COG3: variants seen among roughly 807,000 people sequenced by gnomAD.
COG3 encodes conserved oligomeric Golgi complex subunit 3.
A neutral mutation model predicts 114.1 loss-of-function variants in COG3; 32 were observed. That is an observed-to-expected ratio of 0.28 (90% CI 0.21 to 0.38). The LOEUF (loss-of-function observed/expected upper bound fraction) is 0.38. COG3 is among the 10% of genes least tolerant of loss of function. The pLI, the probability that COG3 is intolerant of heterozygous loss-of-function variation, is 1.00. For synonymous variants in COG3, 352 were observed against 365.7 expected (o/e 0.96, Z 0.43); for missense variants, 813 against 973.2 (o/e 0.84, Z 2.19).
chr13:45,499,910 C>T (rs1340786753), intron 13 of COG3, among the ~76,000 whole-genome samples: 9 of 151,632 alleles, frequency 5.9e-5, no homozygotes, highest in East Asian at 3.9e-4. Flanking sequence ...CCTAGCTACT[C>T]GGGAGGCAGA....
In COG3 at chr13:45,493,452, A is replaced by G. The variant is rs774821679; in HGVS notation, c.1293A>G (p.Lys431=). The change falls in exon 12 of 23, where the codon AAA becomes AAG. Residue 431 remains lysine, a synonymous_variant. Coordinates refer to ENST00000349995, the MANE Select transcript of COG3 (RefSeq NM_031431.4). ...ETLSELCGIL[K]NEVLEDHVQN... is the part of the protein sequence containing the mutation. Reference sequence around the variant, plus strand: ...TGTCGGAACTTTGTGGGATTCTTAAAAATGAGGTGCTTGAAGATCATGTGC... The same window carrying G: ...TGTCGGAACTTTGTGGGATTCTTAAGAATGAGGTGCTTGAAGATCATGTGC... 6.2e-7 allele frequency: 1 copy of G among 1,613,648 alleles called. No individual in the cohort carries two copies. The highest frequency in any genetic ancestry group is 1.3e-5 in the African/African-American group (1 of 75,034).
rs560165700 is a variant in COG3, at chr13:45,486,620, A to G, written c.924+45A>G. 10 of 1,163,804 alleles carry G rather than the reference A, an allele frequency of 8.6e-6. No homozygotes were observed. In the East Asian group the frequency reaches 2.3e-4, roughly 27 times the overall value. 72.1% of individuals were successfully genotyped at this position (1,163,804 alleles called of 1,614,324 possible). On this transcript the variant is annotated intron_variant, in intron 8 of 22. Transcript: ENST00000349995. ...TAGGACATTGCTATGAAATTTGTTCATCTGCCCTTTTGAAGTACTGTTGTA... is the reference window on the plus strand; with the variant it reads ...TAGGACATTGCTATGAAATTTGTTCGTCTGCCCTTTTGAAGTACTGTTGTA...
In COG3 at chr13:45,516,236, A is replaced by G; in HGVS notation, c.1903A>G (p.Ile635Val). The G allele has an allele frequency of 6.3e-7, 1 of 1,592,110 alleles. No individual in the cohort carries two copies. Among genetic ancestry groups the G allele is most frequent in the Non-Finnish European group, 8.6e-7 (1 of 1,166,052 alleles). Reference sequence around the variant, plus strand: ...TCACACTGAATTCACCATTAAGGAAATTTCCCTGGACCTCAAGAAAACTAG... The same window carrying G: ...TCACACTGAATTCACCATTAAGGAAGTTTCCCTGGACCTCAAGAAAACTAG... The part of the protein sequence containing the change: ...PFHTEFTIKE[I>V]SLDLKKTRDA... The change falls in exon 17 of 23, where the codon ATT (isoleucine) becomes GTT (valine). Residue 635 changes from isoleucine to valine, a missense_variant. Physicochemically the swap from Ile to Val is conservative, Grantham distance 29 (BLOSUM62 3). Coordinates refer to ENST00000349995, the MANE Select transcript of COG3 (RefSeq NM_031431.4).
intron 22 of COG3, among the ~76,000 whole-genome samples, chr13:45,531,832 G>A (rs1160421554): frequency 1.3e-5 from 2 of 152,102 alleles, no homozygotes; most frequent in Admixed American, 6.5e-5. Context: ...TTACTGTAGT[G>A]GAGAGGAGAA....
intron 1 of COG3, among the ~76,000 whole-genome samples, chr13:45,469,610 C>T (rs952545432): frequency 1.3e-5 from 2 of 152,100 alleles, no homozygotes; most frequent in African/African-American, 4.8e-5. Context: ...TATAGAGTTA[C>T]TAATTTCTTT....
chr13:45,525,035 G>C lies in COG3; in HGVS notation c.2214G>C (p.Gln738His). The change falls in exon 20 of 23, where the codon CAG (glutamine) becomes CAC (histidine). Residue 738 changes from glutamine to histidine, a missense_variant. Around this residue, in one of 2 missense-constraint regions of COG3, gnomAD observed 389 missense variants for 542.6 expected, o/e 0.72. Coordinates refer to ENST00000349995, the MANE Select transcript of COG3 (RefSeq NM_031431.4). ...GCCCCAAGTATACTCTCTCACAGCA[G>C]CCTTGGGCACAACCAGGTATTCTGA... is the stretch of plus-strand genomic sequence containing the variant. ...QGGPKYTLSQ[Q>H]PWAQPAKVND... is the part of the protein sequence containing the mutation. 1 of 1,613,644 alleles carries C rather than the reference G, an allele frequency of 6.2e-7. No homozygotes were observed. The highest frequency in any genetic ancestry group is 2.2e-5 in the East Asian group (1 of 44,862).
rs1478969806 is a variant in COG3, at chr13:45,465,183, G to A, written c.147G>A (p.Ala49=). The stretch of plus-strand genomic sequence containing the variant: ...ACTCGGTATTGGAGCTGAAGGCGGC[G>A]GCAGAGAACTTGCCGGTGCCAGCTG... The part of the protein sequence containing the change: ...QTDSVLELKA[A]AENLPVPAEL... The change falls in exon 1 of 23, where the codon GCG becomes GCA. Residue 49 remains alanine (A), a synonymous_variant. Transcript: ENST00000349995. 6.2e-7 allele frequency: 1 copy of A among 1,613,694 alleles called. No individual in the cohort carries two copies.
At chr13:45,509,293 A>G (rs1359708051) in intron 14 of COG3, among the ~76,000 whole-genome samples, 2 of 152,176 alleles carry the variant, frequency 1.3e-5, no homozygotes, top group East Asian at 3.8e-4. Context: ...CTGCCTCGGC[A>G]TCCCAAAGTG....
chr13:45,479,978 C>T (rs1363820805), intron 3 of COG3, 147 bp from the exon 4 acceptor site: 6 of 568,088 alleles, frequency 1.1e-5, no homozygotes, highest in Non-Finnish European at 1.9e-5. Flanking sequence ...ACTTTTGGTA[C>T]ATTTCTTAAC....
intron 16 of COG3, 163 bp downstream of exon 16, chr13:45,512,017 C>A (rs1479685162): frequency 2.3e-5 from 14 of 606,714 alleles, no homozygotes; most frequent in Admixed American, 5.4e-5. Context: ...CATTATAGTG[C>A]TAAATAAAGA....
Position 45,518,512 on chromosome 13 carries a change from C to G in COG3, c.1931-250C>G, listed in dbSNP as rs529764312. 4.4e-4 allele frequency among the ~76,000 whole-genome samples: 67 copies of G among 152,302 alleles called. 1 individual carries two copies. The highest frequency in any genetic ancestry group is 1.6e-3 in the African/African-American group (66 of 41,572). On this transcript the variant is annotated intron_variant, in intron 17 of 22. Transcript: ENST00000349995. ...TTTTAAGGTGCCGATTACCATTTAT[C>G]ATTTTTCTTTTTTTTGGTAAGTGAA...
intron 2 of COG3, among the ~76,000 whole-genome samples, chr13:45,476,868 A>G (rs1220262988): frequency 6.6e-6 from 1 of 152,102 alleles, no homozygotes; most frequent in Non-Finnish European, 1.5e-5. Context: ...TTCTTTTCCT[A>G]TTAAGAGTCA....
rs184785671 is a variant in COG3 at position 45,514,654 on chromosome 13, T to G, written c.1810-1489T>G. Among the ~76,000 whole-genome samples the G allele has an allele frequency of 1.3e-4, 20 of 152,106 alleles. 1 individual carries two copies. The highest frequency in any genetic ancestry group is 2.5e-4 in the Non-Finnish European group (17 of 67,974). On this transcript the variant is annotated intron_variant, in intron 16 of 22. Coordinates refer to ENST00000349995, the MANE Select transcript of COG3 (RefSeq NM_031431.4). Reference sequence around the variant, plus strand: ...CATGGTTGAGCTTGTGTACTTTTTTTTTTGTTTGTTTGAGATGGAGTCTCC... The same window carrying G: ...CATGGTTGAGCTTGTGTACTTTTTTGTTTGTTTGTTTGAGATGGAGTCTCC...
At position 45,478,479 on chromosome 13, in the gene COG3, T is replaced by A. The variant is rs560990137; in HGVS notation, c.322-526T>A. ...CAGGCGTGAGCCACCGCGCCCAGCC[T>A]TTTTTTTTTTTGAGACAGAATTTTG... On this transcript the variant is annotated intron_variant, in intron 2 of 22. Coordinates refer to ENST00000349995, the MANE Select transcript of COG3 (RefSeq NM_031431.4). Among the ~76,000 whole-genome samples, 3 of 140,872 alleles carry A rather than the reference T, an allele frequency of 2.1e-5. No individual in the cohort carries two copies. In the East Asian group the frequency reaches 6.2e-4, roughly 29 times the overall value. 92.4% of individuals were successfully genotyped at this position (140,872 alleles called of 152,430 possible).
In COG3 at chr13:45,530,537, T is replaced by G. The variant is rs1354575946; in HGVS notation, c.2359-145T>G. The G allele has an allele frequency of 5.1e-6, 3 of 588,242 alleles. No individual in the cohort carries two copies. The African/African-American group carries it at 5.5e-5, about 11-fold the overall frequency. The allele number at this position is 588,242 out of a possible 1,614,324, so 36.4% of individuals were successfully genotyped here. A position where few individuals can be genotyped will look rare whatever the true frequency, so the allele number is the denominator to read the frequency against. ...TCAGGTCATGCCAGCACTGAAATAT[T>G]AAGAGCAAATTATGCGTCTTTGGTA... On this transcript the variant is annotated intron_variant, in intron 21 of 22. Coordinates refer to ENST00000349995, the MANE Select transcript of COG3 (RefSeq NM_031431.4).
intron 15 of COG3, among the ~76,000 whole-genome samples, chr13:45,510,225 T>C (rs570668541): frequency 1.3e-5 from 2 of 152,342 alleles, no homozygotes; most frequent in African/African-American, 2.4e-5. Flanking sequence ...TTTTATATTG[T>C]AGGACTGCAC....
chr13:45,503,572 G>T (rs150484674), intron 14 of COG3, among the ~76,000 whole-genome samples: 1 of 152,150 alleles, frequency 6.6e-6, no homozygotes, highest in Non-Finnish European at 1.5e-5. Flanking sequence ...TGGAAATTGC[G>T]AAGGGAGATG....
chr13:45,465,126 C>T lies in COG3; in HGVS notation c.90C>T (p.Asp30=). ...TGGCTCTCTGGGATCGGAGACCGGA[C>T]ACGACGGCGCCGCTGACCGACAGGC... is the stretch of plus-strand genomic sequence containing the variant. ...EKLALWDRRP[D]TTAPLTDRQT... Residue 30 remains aspartate (D), a synonymous_variant, in exon 1 of 23, where the codon GAC becomes GAT. Transcript: ENST00000349995. 2 of 1,613,342 alleles carry T rather than the reference C, an allele frequency of 1.2e-6. No homozygotes were observed. Among genetic ancestry groups the T allele is most frequent in the South Asian group, 1.1e-5 (1 of 91,070 alleles).
At chr13:45,481,336 A>G in intron 5 of COG3, 32 bp downstream of exon 5, 1 of 1,219,326 alleles carries the variant, frequency 8.2e-7, no homozygotes, top group East Asian at 2.4e-5. Context: ...TTATAAAGTT[A>G]GTGATTTTTG....
Sources: allele counts gnomAD v4.1 joint callset (sites outside exome capture counted in the v4.1 genomes callset), GRCh38; gene constraint gnomAD v4.1.1; regional missense constraint gnomAD v4.1.1; transcripts MANE v1.5; gene names NCBI Gene and HGNC (gene_info 2026-07-23, HGNC 2026-07-21).